The following CYP39A1 variants were observed in gnomAD, a reference collection of about 807,000 sequenced individuals.
The protein encoded by CYP39A1 is 24-hydroxycholesterol 7-alpha-hydroxylase.
CYP39A1 carries 49 observed loss-of-function variants against 58.1 expected under a neutral mutation model. That is an observed-to-expected ratio of 0.84 (90% CI 0.67 to 1.07). The LOEUF (loss-of-function observed/expected upper bound fraction) is 1.07, where lower values mean the gene tolerates loss of function less well. Ranked by LOEUF, CYP39A1 falls within the 50% of genes least tolerant of loss-of-function variation. The pLI, the probability that CYP39A1 is intolerant of heterozygous loss-of-function variation, is 0.00. For synonymous variants in CYP39A1, 209 were observed against 187.6 expected, an observed-to-expected ratio of 1.11 and a Z score of -0.93; for missense variants, 531 against 539.4, an observed-to-expected ratio of 0.98 and a Z score of 0.16.
chr6:46,617,357 T>G (rs1257257692), intron 7 of CYP39A1, among the ~76,000 whole-genome samples: 2 of 152,134 alleles, frequency 1.3e-5, no homozygotes, highest in African/African-American at 4.8e-5. Context: ...CAGAGTGTTT[T>G]TAGTGGGTAT....
intron 2 of CYP39A1, 95 bp downstream of exon 2, chr6:46,642,068 T>C (rs1414510358): frequency 7.7e-7 from 1 of 1,295,954 alleles, no homozygotes; most frequent in Non-Finnish European, 1.1e-6. Context: ...ACCCTCATCA[T>C]TCTTGATAGA....
chr6:46,588,407 A>G (rs1419391677), intron 8 of CYP39A1, among the ~76,000 whole-genome samples: 1 of 151,988 alleles, frequency 6.6e-6, no homozygotes, highest in Non-Finnish European at 1.5e-5. Flanking sequence ...ATGTACATAT[A>G]TTCAGTTATA....
chr6:46,583,294 C>T, intron 10 of CYP39A1: 1 of 985,328 alleles, frequency 1.0e-6, no homozygotes, highest in Non-Finnish European at 1.2e-6. Flanking sequence ...AATGACACAG[C>T]AAATCAGGCA....
rs1044581073 is a variant in CYP39A1, at chr6:46,617,236, A to G, written c.931+8182T>C. On this transcript the variant is annotated intron_variant, in intron 7 of 11. Coordinates refer to ENST00000275016, the MANE Select transcript of CYP39A1 (RefSeq NM_016593.5). The stretch of plus-strand genomic sequence containing the variant: ...ATCAAAAATGAGGTGAATGGCTTAG[A>G]AAATGTTTTTCTCTAATCTATAAGT... 5.8e-4 allele frequency among the ~76,000 whole-genome samples: 89 copies of G among 152,310 alleles called. No individual in the cohort carries two copies. The Middle Eastern group carries it at 0.01, about 17-fold the overall frequency.
At chr6:46,628,262 G>A (rs1029028179) in intron 6 of CYP39A1, among the ~76,000 whole-genome samples, 1 of 152,110 alleles carries the variant, frequency 6.6e-6, no homozygotes, top group Non-Finnish European at 1.5e-5. Flanking sequence ...CATTTAGTTG[G>A]GCATATGAAT....
At chr6:46,569,785 G>A (rs1771482560) in intron 10 of CYP39A1, among the ~76,000 whole-genome samples, 1 of 151,200 alleles carries the variant, frequency 6.6e-6, no homozygotes. Context: ...ATTTTTTTTT[G>A]TAGAAGCTTT....
intron 8 of CYP39A1, among the ~76,000 whole-genome samples, chr6:46,591,667 A>C (rs1266591504): frequency 6.6e-6 from 1 of 152,086 alleles, no homozygotes; most frequent in Non-Finnish European, 1.5e-5. Flanking sequence ...TGGGATCTTC[A>C]ATAATTCTGA....
intron 5 of CYP39A1, among the ~76,000 whole-genome samples, chr6:46,634,801 C>T (rs973872391): frequency 2.6e-5 from 4 of 152,082 alleles, no homozygotes; most frequent in African/African-American, 7.2e-5. Flanking sequence ...GGATTACAGG[C>T]GTGAGCCACA....
chr6:46,629,432 A>C (rs1775517357), intron 6 of CYP39A1, among the ~76,000 whole-genome samples: 1 of 152,212 alleles, frequency 6.6e-6, no homozygotes, highest in Non-Finnish European at 1.5e-5. Flanking sequence ...ATATTATTTA[A>C]GGAAAAACCA....
At position 46,625,509 on chromosome 6, in the gene CYP39A1, C is replaced by T; in HGVS notation, c.841-1G>A. 6.2e-7 allele frequency: 1 copy of T among 1,602,426 alleles called. No homozygotes were observed. Among genetic ancestry groups the T allele is most frequent in the Non-Finnish European group, 8.5e-7 (1 of 1,173,626 alleles). On this transcript the variant is annotated splice_acceptor_variant, in intron 6 of 11. Transcript: ENST00000275016. LOFTEE classifies it high-confidence loss of function. ...CGTATGCAAGTGTCCAAAATGCAAC[C>T]TTAAAAAGAAAAACATATATCAAAA...
intron 7 of CYP39A1, among the ~76,000 whole-genome samples, chr6:46,614,923 T>C (rs1478849971): frequency 6.6e-6 from 1 of 152,174 alleles, no homozygotes; most frequent in Non-Finnish European, 1.5e-5. Context: ...CATAGGATAC[T>C]GAATGACGCT....
intron 8 of CYP39A1, among the ~76,000 whole-genome samples, chr6:46,592,521 T>C (rs1772899941): frequency 6.6e-6 from 1 of 152,208 alleles, no homozygotes; most frequent in Non-Finnish European, 1.5e-5. Flanking sequence ...GATGTTCATC[T>C]TCACACTGTT....
intron 1 of CYP39A1, among the ~76,000 whole-genome samples, chr6:46,648,971 A>G (rs1405373829): frequency 6.6e-6 from 1 of 152,242 alleles, no homozygotes; most frequent in Non-Finnish European, 1.5e-5. Context: ...CTAATAAACA[A>G]AAGACTGATA....
At chr6:46,573,086 C>T (rs1198251096) in intron 10 of CYP39A1, among the ~76,000 whole-genome samples, 1 of 151,970 alleles carries the variant, frequency 6.6e-6, no homozygotes. Flanking sequence ...ATTGAGTTCT[C>T]TTGTATCTTG....
intron 1 of CYP39A1, among the ~76,000 whole-genome samples, chr6:46,645,419 A>C (rs1762261308): frequency 6.6e-6 from 1 of 152,034 alleles, no homozygotes; most frequent in African/African-American, 2.4e-5. Context: ...CTCCATCACC[A>C]TTTGTTTAAA....
At chr6:46,599,642 T>A (rs561580929) in intron 7 of CYP39A1, among the ~76,000 whole-genome samples, 1 of 152,286 alleles carries the variant, frequency 6.6e-6, no homozygotes, top group Admixed American at 6.5e-5. Context: ...CAGGTGTCAG[T>A]TCTGGGCCCT....
chr6:46,629,164 A>C (rs1341983523), intron 6 of CYP39A1, among the ~76,000 whole-genome samples: 1 of 152,174 alleles, frequency 6.6e-6, no homozygotes, highest in African/African-American at 2.4e-5. Context: ...GTGAGATGGA[A>C]TATTCTCTAA....
chr6:46,561,382 C>A (rs1770961426), intron 10 of CYP39A1, among the ~76,000 whole-genome samples: 1 of 152,124 alleles, frequency 6.6e-6, no homozygotes, highest in Admixed American at 6.6e-5. Flanking sequence ...CCTAGAGGCA[C>A]TGCAACAAGC....
intron 3 of CYP39A1, among the ~76,000 whole-genome samples, chr6:46,639,206 T>C (rs1245990982): frequency 1.3e-5 from 2 of 152,200 alleles, no homozygotes; most frequent in Non-Finnish European, 2.9e-5. Context: ...CACAAATGTA[T>C]GGAATGACTA....
Sources: allele counts gnomAD v4.1 joint callset (sites outside exome capture counted in the v4.1 genomes callset), GRCh38; gene constraint gnomAD v4.1.1; transcripts MANE v1.5; gene names NCBI Gene and HGNC (gene_info 2026-07-23, HGNC 2026-07-21).